The following RGPD4 variants were observed in gnomAD, a reference collection of about 807,000 sequenced individuals.
RGPD4 encodes the protein RANBP2 like and GRIP domain containing 4.
A neutral mutation model predicts 141.1 loss-of-function variants in RGPD4; 84 were observed. The ratio of observed to expected loss-of-function variants is 0.60; its 90% confidence interval spans 0.50 to 0.71. The LOEUF (loss-of-function observed/expected upper bound fraction) is 0.71. Ranked by LOEUF, RGPD4 falls within the 30% of genes least tolerant of loss-of-function variation. The pLI is 0.00. For missense variants in RGPD4, 918 were observed against 1,622.4 expected, an observed-to-expected ratio of 0.57 and a Z score of 7.46; for synonymous variants, 298 against 566.8, an observed-to-expected ratio of 0.53 and a Z score of 6.74.
intron 2 of RGPD4, 120 bp downstream of exon 2, chr2:107,836,789 G>A (rs1681680391): frequency 1.8e-6 from 1 of 541,648 alleles, no homozygotes; most frequent in Non-Finnish European, 2.7e-6. Context: ...CTGGAATAAG[G>A]GATTTATCAC....
chr2:107,828,695 G>A (rs1433333550), intron 1 of RGPD4, among the ~76,000 whole-genome samples: 2 of 41,450 alleles, frequency 4.8e-5, no homozygotes, highest in Non-Finnish European at 4.7e-5. Flanking sequence ...GCTCTGTTGA[G>A]GCAGCGGCCT....
At position 107,871,123 on chromosome 2, in the gene RGPD4, C is replaced by A; in HGVS notation, c.3119C>A (p.Pro1040Gln). Residue 1040 changes from proline to glutamine, a missense_variant, in exon 20 of 23, where the codon CCA becomes CAA. Transcript: ENST00000408999. ...TEDSDDIHFE[P>Q]VVQMPEKVEL... Reference sequence around the variant, plus strand: ...GACAGCGATGACATCCATTTTGAACCAGTAGTTCAAATGCCTGAAAAAGTA... The same window carrying A: ...GACAGCGATGACATCCATTTTGAACAAGTAGTTCAAATGCCTGAAAAAGTA... 30 of 1,610,578 alleles carry A rather than the reference C, an allele frequency of 1.9e-5. No individual in the cohort carries two copies. Among genetic ancestry groups the A allele is most frequent in the Non-Finnish European group, 2.5e-5 (29 of 1,179,748 alleles).
At chr2:107,829,680 C>G (rs1281543569) in intron 1 of RGPD4, among the ~76,000 whole-genome samples, 1 of 152,154 alleles carries the variant, frequency 6.6e-6, no homozygotes, top group African/African-American at 2.4e-5. Context: ...CAGGAAGAGT[C>G]CTGGGGGGAC....
chr2:107,841,502 T>TA (rs1296409516), intron 4 of RGPD4, among the ~76,000 whole-genome samples: 2 of 81,382 alleles, frequency 2.5e-5, no homozygotes, highest in East Asian at 2.4e-4. Context: ...TAGAACTTTT[T>TA]AAAAGCACTC....
chr2:107,854,779 A>G, intron 8 of RGPD4, 136 bp downstream of exon 8: 1 of 1,076,752 alleles, frequency 9.3e-7, no homozygotes, highest in Non-Finnish European at 1.3e-6. Flanking sequence ...AGTTAAGAGC[A>G]ATAGGTATGG....
chr2:107,886,646 G>A (rs955011665), intron 22 of RGPD4, among the ~76,000 whole-genome samples: 1 of 152,004 alleles, frequency 6.6e-6, no homozygotes, highest in Non-Finnish European at 1.5e-5. Context: ...GATATGGACT[G>A]TCAGTCTGAC....
chr2:107,847,819 C>T (rs1247297597), intron 6 of RGPD4, among the ~76,000 whole-genome samples: 4 of 42,144 alleles, frequency 9.5e-5, no homozygotes, highest in Non-Finnish European at 1.7e-4. Context: ...TGAGAGACTC[C>T]GTCTCAAAAA....
At chr2:107,834,425 A>G (rs1393145170) in intron 1 of RGPD4, among the ~76,000 whole-genome samples, 1 of 151,704 alleles carries the variant, frequency 6.6e-6, no homozygotes, top group East Asian at 1.9e-4. Context: ...TAAATTGCAA[A>G]CAGTTCTGAA....
chr2:107,831,716 A>C (rs1372750912), intron 1 of RGPD4, among the ~76,000 whole-genome samples: 1 of 140,324 alleles, frequency 7.1e-6, no homozygotes, highest in African/African-American at 2.7e-5. Context: ...GACTACAGGC[A>C]CCCGCCACAA....
At position 107,870,798 on chromosome 2, in the gene RGPD4, A is replaced by T. The variant is rs1181636446; in HGVS notation, c.2794A>T (p.Asn932Tyr). The change falls in exon 20 of 23, where the codon AAT becomes TAT. Residue 932 changes from asparagine (N) to tyrosine (Y), a missense_variant. Coordinates refer to ENST00000408999, the MANE Select transcript of RGPD4 (RefSeq NM_182588.3). Reference sequence around the variant, plus strand: ...TAAATTTGGCATTTCGGAACCAGGAAATCAAGAAAAGGAAAGTGAAAAGCC... The same window carrying T: ...TAAATTTGGCATTTCGGAACCAGGATATCAAGAAAAGGAAAGTGAAAAGCC... ...GFKFGISEPG[N>Y]QEKESEKPLE... 3.7e-6 allele frequency: 6 copies of T among 1,606,010 alleles called. No homozygotes were observed. The East Asian group carries it at 8.9e-5, about 24-fold the overall frequency.
intron 1 of RGPD4, among the ~76,000 whole-genome samples, chr2:107,833,869 C>G (rs145424387): frequency 6.6e-6 from 1 of 152,050 alleles, no homozygotes; most frequent in Non-Finnish European, 1.5e-5. Context: ...AACCCCATCT[C>G]TACTGAAAAT....
At chr2:107,881,528 G>C (rs1380544137) in intron 21 of RGPD4, among the ~76,000 whole-genome samples, 2 of 151,522 alleles carry the variant, frequency 1.3e-5, no homozygotes, top group East Asian at 3.9e-4. Context: ...ATGTTGGCCA[G>C]GATGGTCTGA....
rs1196281924 is a variant in RGPD4 at position 107,854,726 on chromosome 2, G to A, written c.1066+83G>A. Reference sequence around the variant, plus strand: ...ATATCTTATGATAAAATCTCCATCTGTCCAGGAGATAATTTGTCAAAATTA... The same window carrying A: ...ATATCTTATGATAAAATCTCCATCTATCCAGGAGATAATTTGTCAAAATTA... On this transcript the variant is annotated intron_variant, in intron 8 of 22. Coordinates refer to ENST00000408999, the MANE Select transcript of RGPD4 (RefSeq NM_182588.3). 3 of 1,565,822 alleles carry A rather than the reference G, an allele frequency of 1.9e-6. No individual in the cohort carries two copies. The Admixed American group carries it at 5.5e-5, about 29-fold the overall frequency.
chr2:107,880,975 T>C (rs1675346830), intron 21 of RGPD4, among the ~76,000 whole-genome samples: 1 of 151,848 alleles, frequency 6.6e-6, no homozygotes, highest in South Asian at 2.1e-4. Context: ...GGGCTCTACA[T>C]ACATTATTTA....
intron 7 of RGPD4, among the ~76,000 whole-genome samples, chr2:107,849,122 T>C (rs1244425018): frequency 8.8e-6 from 1 of 113,132 alleles, no homozygotes; most frequent in Non-Finnish European, 1.9e-5. Flanking sequence ...TGGCGTGATC[T>C]CGGCTCACTG....
intron 22 of RGPD4, among the ~76,000 whole-genome samples, chr2:107,886,818 C>G (rs1460240557): frequency 6.6e-6 from 1 of 151,944 alleles, no homozygotes; most frequent in East Asian, 1.9e-4. Flanking sequence ...TCTCTCATCT[C>G]CTTGGAAGCA....
intron 1 of RGPD4, among the ~76,000 whole-genome samples, chr2:107,828,226 G>A (rs867130725): frequency 1.9e-3 from 33 of 16,978 alleles, no homozygotes; most frequent in South Asian, 4.3e-3. Context: ...GGGCGGCGGC[G>A]GCCTCGACCT....
chr2:107,883,455 T>G (rs1245094461), intron 22 of RGPD4, among the ~76,000 whole-genome samples: 2 of 150,874 alleles, frequency 1.3e-5, no homozygotes, highest in Non-Finnish European at 2.9e-5. Context: ...CATGGTGAAA[T>G]CTCGTCTCTA....
chr2:107,827,548 G>T (rs1321978190), intron 1 of RGPD4, among the ~76,000 whole-genome samples: 1 of 46,354 alleles, frequency 2.2e-5, no homozygotes, highest in Non-Finnish European at 4.3e-5. Flanking sequence ...CATGGCTCCC[G>T]ACGGGCGCTG....
Sources: allele counts gnomAD v4.1 joint callset (sites outside exome capture counted in the v4.1 genomes callset), GRCh38; gene constraint gnomAD v4.1.1; transcripts MANE v1.5; gene names NCBI Gene and HGNC (gene_info 2026-07-23, HGNC 2026-07-21).